SALL4: variants seen among roughly 807,000 people sequenced by gnomAD.
SALL4 encodes spalt like transcription factor 4.
In SALL4, 4 loss-of-function variants were observed where a neutral mutation model predicts 60.8. The observed-to-expected ratio is 0.07, with a 90% CI of 0.03 to 0.15. SALL4 has a LOEUF of 0.15. Among genes scored for constraint, SALL4 ranks in the 10% least tolerant of loss-of-function variants. SALL4 has a pLI of 1.00. For missense variants in SALL4, 1,178 were observed against 1,394.7 expected, an observed-to-expected ratio of 0.84 and a Z score of 2.48; for synonymous variants, 580 against 574.9, an observed-to-expected ratio of 1.01 and a Z score of -0.13.
chr20:51,801,921 G>GT lies in SALL4; in HGVS notation c.130+357_130+358insA, dbSNP rs532111333. Among the ~76,000 whole-genome samples, 22 of 80,618 alleles carry GT rather than the reference G, an allele frequency of 2.7e-4. No homozygotes were observed. Among genetic ancestry groups the GT allele is most frequent in the African/African-American group, 6.3e-4 (18 of 28,602 alleles). 52.9% of individuals were successfully genotyped at this position (80,618 alleles called of 152,430 possible). ...GAGGGAGGGGGACCTAAGTTACAAGGGGGGGGGGTAACACCAGTGAGGGGA... is the reference window on the plus strand; with the variant it reads ...GAGGGAGGGGGACCTAAGTTACAAGGTGGGGGGGGTAACACCAGTGAGGGGA... On this transcript the variant is annotated intron_variant, in intron 1 of 3. Transcript: ENST00000217086. This position sits in a 1 kb window ranked among gnomAD's most constrained non-coding sequence, Gnocchi z 5.2.
Position 51,802,504 on chromosome 20 carries a change from G to C in SALL4, c.-96C>G, listed in dbSNP as rs2122986022. 2 of 1,561,902 alleles carry C rather than the reference G, an allele frequency of 1.3e-6. No individual in the cohort carries two copies. Among genetic ancestry groups the C allele is most frequent in the East Asian group, 4.5e-5 (2 of 44,024 alleles). On this transcript the variant is annotated 5_prime_UTR_variant, in exon 1 of 4. Coordinates refer to ENST00000217086, the MANE Select transcript of SALL4 (RefSeq NM_020436.5). Reference sequence around the variant, plus strand: ...AAATTTACCCCCCTTCGGCCGGAACGCGCATGTCCCAGTAATTATTATTAT... The same window carrying C: ...AAATTTACCCCCCTTCGGCCGGAACCCGCATGTCCCAGTAATTATTATTAT...
rs192928402 is a variant in SALL4 at position 51,782,466 on chromosome 20, T to C, written c.*1799A>G. ...ACAGTGAGAAAGCCACTGGTGTGTT[T>C]TCTGTAACAATATCCACTTCACAGT... On this transcript the variant is annotated 3_prime_UTR_variant, in exon 4 of 4. Coordinates refer to ENST00000217086, the MANE Select transcript of SALL4 (RefSeq NM_020436.5). The C allele has an allele frequency of 8.2e-4, 124 of 151,524 alleles. No individual in the cohort carries two copies. Among genetic ancestry groups the C allele is most frequent in the African/African-American group, 3.0e-3 (122 of 41,230 alleles). 9.4% of individuals were successfully genotyped at this position (151,524 alleles called of 1,614,324 possible).
Position 51,790,911 on chromosome 20 carries a change from C to T in SALL4, c.1572G>A (p.Val524=). The T allele has an allele frequency of 6.2e-7, 1 of 1,614,122 alleles. No homozygotes were observed. The highest frequency in any genetic ancestry group is 8.5e-7 in the Non-Finnish European group (1 of 1,180,032). Residue 524 remains valine, a synonymous_variant, in exon 2 of 4, where the codon GTG becomes GTA. Coordinates refer to ENST00000217086, the MANE Select transcript of SALL4 (RefSeq NM_020436.5). The surrounding 1 kb of genome is among the most constrained non-coding windows in gnomAD (Gnocchi z 5.5). ...ESEGGPTLPG[V]GPNYNSPRAG... ...CCCTTGGGGAATTATAGTTTGGTCC[C>T]ACCCCAGGGAGTGTGGGTCCACCCT...
chr20:51,796,521 C>T (rs4811241), intron 1 of SALL4, among the ~76,000 whole-genome samples: 151,897 of 152,326 alleles, frequency 1, 75,736 homozygotes, highest in Middle Eastern at 1. Flanking sequence ...CCAAGATAAT[C>T]CTTCTTCCAA....
Position 51,787,281 on chromosome 20 carries a change from G to A in SALL4, c.2742+1580C>T, listed in dbSNP as rs372761674. 6.6e-5 allele frequency among the ~76,000 whole-genome samples: 10 copies of A among 151,892 alleles called. No individual in the cohort carries two copies. The South Asian group carries it at 1.7e-3, about 25-fold the overall frequency. ...TACTAAAAATATACAAAAATTAGCC[G>A]GGCATGATGGCGGGCGCCTGTAATT... On this transcript the variant is annotated intron_variant, in intron 3 of 3. Coordinates refer to ENST00000217086, the MANE Select transcript of SALL4 (RefSeq NM_020436.5).
chr20:51,789,895 A>C, intron 2 of SALL4, 127 bp downstream of exon 2: 1 of 1,137,712 alleles, frequency 8.8e-7, no homozygotes, highest in East Asian at 2.4e-5. Context: ...AGAAGTAAAG[A>C]AAAGCTAATT....
At position 51,791,091 on chromosome 20, in the gene SALL4, G is replaced by T. The variant is rs755296101; in HGVS notation, c.1392C>A (p.Pro464=). Residue 464 remains proline (P), a synonymous_variant, in exon 2 of 4, where the codon CCC becomes CCA. Coordinates refer to ENST00000217086, the MANE Select transcript of SALL4 (RefSeq NM_020436.5). This position sits in a 1 kb window ranked among gnomAD's most constrained non-coding sequence, Gnocchi z 4.6. The part of the protein sequence containing the change: ...GIPYALSVPD[P]IDEPSLSLDS... ...CTAAAGAAAGACTCGGTTCATCTAT[G>T]GGGTCAGGTACAGAGAGTGCATAGG... The T allele has an allele frequency of 6.2e-7, 1 of 1,614,170 alleles. No homozygotes were observed. Among genetic ancestry groups the T allele is most frequent in the South Asian group, 1.1e-5 (1 of 91,078 alleles).
intron 3 of SALL4, among the ~76,000 whole-genome samples, chr20:51,786,319 C>T (rs917308264): frequency 6.6e-6 from 1 of 152,136 alleles, no homozygotes; most frequent in Non-Finnish European, 1.5e-5. Flanking sequence ...TGGTCAGGAT[C>T]TCCTGACCTT....
In SALL4 at chr20:51,788,754, C is replaced by A; in HGVS notation, c.2742+107G>T. 1.4e-6 allele frequency: 2 copies of A among 1,385,996 alleles called. No individual in the cohort carries two copies. Among genetic ancestry groups the A allele is most frequent in the Non-Finnish European group, 2.0e-6 (2 of 985,784 alleles). 85.9% of individuals were successfully genotyped at this position (1,385,996 alleles called of 1,614,324 possible). ...GACTCAAGCAATCCTCCCACCTCGG[C>A]CTCCCAAAGGAGGAATGGAAGGATG... On this transcript the variant is annotated intron_variant, in intron 3 of 3. Transcript: ENST00000217086. The surrounding 1 kb of genome is among the most constrained non-coding windows in gnomAD (Gnocchi z 4.1).
chr20:51,787,283 G>A (rs1474738330), intron 3 of SALL4, among the ~76,000 whole-genome samples: 2 of 151,848 alleles, frequency 1.3e-5, no homozygotes, highest in Non-Finnish European at 2.9e-5. Context: ...AATTAGCCGG[G>A]CATGATGGCG....
chr20:51,792,441 C>T, intron 1 of SALL4, 89 bp from the exon 2 acceptor site: 1 of 1,517,180 alleles, frequency 6.6e-7, no homozygotes. Flanking sequence ...ATAATCCTAG[C>T]ACTTTGGGAG....
In SALL4 at chr20:51,783,416, T is replaced by A. The variant is rs975948930; in HGVS notation, c.*849A>T. ...ACCCTAGTTTTTTGTTGTTCCTTTT[T>A]TAAGTACATTCAAAAAAAAACAATA... On this transcript the variant is annotated 3_prime_UTR_variant, in exon 4 of 4. Coordinates refer to ENST00000217086, the MANE Select transcript of SALL4 (RefSeq NM_020436.5). 6.7e-6 allele frequency: 1 copy of A among 150,230 alleles called. No homozygotes were observed. Among genetic ancestry groups the A allele is most frequent in the Admixed American group, 6.6e-5 (1 of 15,184 alleles). 9.3% of individuals were successfully genotyped at this position (150,230 alleles called of 1,614,324 possible).
At chr20:51,787,348 C>T (rs564501751) in intron 3 of SALL4, among the ~76,000 whole-genome samples, 34 of 152,094 alleles carry the variant, frequency 2.2e-4, no homozygotes, top group Non-Finnish European at 4.3e-4. Flanking sequence ...TGCTTGAACC[C>T]GGGAGGCAGA....
rs142357063 is a variant in SALL4, at chr20:51,791,379, C to T, written c.1104G>A (p.Ala368=). 372 of 1,614,072 alleles carry T rather than the reference C, an allele frequency of 2.3e-4. No individual in the cohort carries two copies. The highest frequency in any genetic ancestry group is 2.9e-4 in the Non-Finnish European group (346 of 1,180,050). Residue 368 remains alanine (A), a synonymous_variant, in exon 2 of 4, where the codon GCG becomes GCA. Coordinates refer to ENST00000217086, the MANE Select transcript of SALL4 (RefSeq NM_020436.5). The surrounding 1 kb of genome is among the most constrained non-coding windows in gnomAD (Gnocchi z 4.6). ...KGKGKPPNIS[A]VDVKPKDEAA... is the part of the protein sequence containing the mutation. The stretch of plus-strand genomic sequence containing the variant: ...CCTCGTCTTTGGGTTTGACATCCAC[C>T]GCGGAGATGTTCGGTGGCTTCCCCT...
chr20:51,797,575 T>C (rs2078086169), intron 1 of SALL4: 1 of 152,028 alleles, frequency 6.6e-6, no homozygotes. Flanking sequence ...ATACCGCAAC[T>C]GTATTTGCCA....
Position 51,802,453 on chromosome 20 carries a change from C to T in SALL4, c.-45G>A. 6.2e-7 allele frequency: 1 copy of T among 1,611,792 alleles called. No individual in the cohort carries two copies. The highest frequency in any genetic ancestry group is 8.5e-7 in the Non-Finnish European group (1 of 1,179,560). On this transcript the variant is annotated 5_prime_UTR_variant, in exon 1 of 4. Coordinates refer to ENST00000217086, the MANE Select transcript of SALL4 (RefSeq NM_020436.5). ...CGGGAGAGCCGCAGTTATTTGCCCT[C>T]TCCGCCACAAATTCCTGGAGTTGGG...
In SALL4 at chr20:51,784,532, G is replaced by A. The variant is rs1267125226; in HGVS notation, c.2895C>T (p.Asp965=). 2 of 1,614,002 alleles carry A rather than the reference G, an allele frequency of 1.2e-6. No individual in the cohort carries two copies. Among genetic ancestry groups the A allele is most frequent in the Non-Finnish European group, 1.7e-6 (2 of 1,180,038 alleles). ...TGGTGTACTGGTTCCACACAACAGG[G>A]TCCACATTCACTGAAGGGGCCAGGA... ...KEILAPSVNV[D]PVVWNQYTSM... The change falls in exon 4 of 4, where the codon GAC becomes GAT. Residue 965 remains aspartate, a synonymous_variant. Coordinates refer to ENST00000217086, the MANE Select transcript of SALL4 (RefSeq NM_020436.5).
rs146025163 is a variant in SALL4, at chr20:51,784,622, G to A, written c.2805C>T (p.Ile935=). The A allele has an allele frequency of 7.4e-6, 12 of 1,614,204 alleles. No homozygotes were observed. The highest frequency in any genetic ancestry group is 4.0e-5 in the African/African-American group (3 of 75,050). Residue 935 remains isoleucine (I), a synonymous_variant, in exon 4 of 4, where the codon ATC becomes ATT. Coordinates refer to ENST00000217086, the MANE Select transcript of SALL4 (RefSeq NM_020436.5). ...TACCTAACAGAGCCATGGTGTTCTC[G>A]ATGGCCAACTTCCTTCCACGGCGGG... ...NSARRGRKLA[I]ENTMALLGTD...
intron 1 of SALL4, among the ~76,000 whole-genome samples, chr20:51,798,283 T>C (rs146132068): frequency 6.6e-6 from 1 of 152,302 alleles, no homozygotes; most frequent in African/African-American, 2.4e-5. Flanking sequence ...TCAAAGAAAG[T>C]TTCACAGGCG....
Sources: gnomAD v4.1 joint callset for allele counts (sites outside exome capture counted in the v4.1 genomes callset) on GRCh38, gnomAD v4.1.1 for gene constraint, Gnocchi (gnomAD v3.1) non-coding constraint, MANE v1.5 for transcripts, NCBI Gene and HGNC (gene_info 2026-07-23, HGNC 2026-07-21) for gene names.